NBAS: variants seen among roughly 807,000 people sequenced by gnomAD.
NBAS encodes the protein NBAS subunit of NRZ tethering complex.
In NBAS, 219 loss-of-function variants were observed where a neutral mutation model predicts 302.5. The ratio of observed to expected loss-of-function variants is 0.72; its 90% CI spans 0.65 to 0.81. The LOEUF is 0.81. Ranked by LOEUF, NBAS falls within the 30% of genes least tolerant of loss-of-function variation. The probability of loss-of-function intolerance (pLI) is 0.00; values close to 1 mark genes in which losing one functional copy is unlikely to be tolerated. For missense variants in NBAS, 2,932 were observed against 2,841.6 expected (o/e 1.03, Z -0.72); for synonymous variants, 1,118 against 1,021.6 (o/e 1.09, Z -1.80).
chr2:15,285,432 T>C (rs1669993866), intron 42 of NBAS, among the ~76,000 whole-genome samples: 1 of 152,152 alleles, frequency 6.6e-6, no homozygotes, highest in Admixed American at 6.5e-5. Flanking sequence ...CCATTTTAAA[T>C]GTGGAAGACT....
At position 15,461,277 on chromosome 2, in the gene NBAS, G is replaced by C; in HGVS notation, c.2263C>G (p.His755Asp). 1 of 1,613,286 alleles carries C rather than the reference G, an allele frequency of 6.2e-7. No homozygotes were observed. The highest frequency in any genetic ancestry group is 8.5e-7 in the Non-Finnish European group (1 of 1,179,310). ...AAGTTGGACAGAATTGCAAGGCGAT[G>C]AGGAAGCAGGTCGGAACCATGGTAA... is the stretch of plus-strand genomic sequence containing the variant. ...FTYHGSDLLP[H>D]RLAILSNFPE... The change falls in exon 21 of 52, where the codon CAT becomes GAT. Residue 755 changes from histidine to aspartate, a missense_variant. Physicochemically the swap from His to Asp is moderately conservative, Grantham distance 81. Coordinates refer to ENST00000281513, the MANE Select transcript of NBAS (RefSeq NM_015909.4).
At chr2:15,180,374 C>T (rs1664762975) in intron 50 of NBAS, 2 of 152,228 alleles carry the variant, frequency 1.3e-5, no homozygotes, top group African/African-American at 4.8e-5. Flanking sequence ...ATTCCTCATA[C>T]ATCGGGAATT....
At chr2:15,293,965 T>C (rs1299555340) in intron 40 of NBAS, among the ~76,000 whole-genome samples, 2 of 152,208 alleles carry the variant, frequency 1.3e-5, no homozygotes, top group Non-Finnish European at 2.9e-5. Flanking sequence ...AAACCACAAA[T>C]ATGTGTCTCA....
At chr2:15,204,758 G>T (rs188227539) in intron 48 of NBAS, among the ~76,000 whole-genome samples, 1 of 152,160 alleles carries the variant, frequency 6.6e-6, no homozygotes, top group African/African-American at 2.4e-5. Context: ...CTATCGCATG[G>T]ACAGAAAACC....
At chr2:15,271,223 C>T (rs1270132387) in intron 44 of NBAS, among the ~76,000 whole-genome samples, 1 of 152,114 alleles carries the variant, frequency 6.6e-6, no homozygotes, top group Non-Finnish European at 1.5e-5. Flanking sequence ...GTTTTCATAA[C>T]TCCAGGAGGC....
At chr2:15,393,732 G>C in intron 28 of NBAS, 1 of 470,202 alleles carries the variant, frequency 2.1e-6, no homozygotes, top group South Asian at 1.6e-5. Flanking sequence ...AACAGGCTGT[G>C]AAAAATCCAT....
In NBAS at chr2:15,322,558, T is replaced by A. The variant is rs1352498723; in HGVS notation, c.4582+5192A>T. On this transcript the variant is annotated intron_variant, in intron 38 of 51. Transcript: ENST00000281513. The stretch of plus-strand genomic sequence containing the variant: ...GCCCATATTATTGATTTGGAAATCA[T>A]TAGCCATTAAATCATTCATTTTGCT... Among the ~76,000 whole-genome samples the A allele has an allele frequency of 4.6e-5, 7 of 152,286 alleles. 1 individual carries two copies. The South Asian group carries it at 1.4e-3, about 32-fold the overall frequency.
chr2:15,550,036 T>G (rs919168039), intron 6 of NBAS, among the ~76,000 whole-genome samples: 4 of 152,030 alleles, frequency 2.6e-5, no homozygotes, highest in Admixed American at 2.0e-4. Context: ...TGCTGGTGCA[T>G]GCCTGTGGTC....
chr2:14,824,758 A>T, the NBAS span, among the ~76,000 whole-genome samples: 1 of 152,174 alleles, frequency 6.6e-6, no homozygotes, highest in African/African-American at 2.4e-5. Context: ...GAGCTGGAGT[A>T]ATCGGCGATT....
At position 15,356,392 on chromosome 2, in the gene NBAS, C is replaced by T; in HGVS notation, c.3842G>A (p.Gly1281Glu). ...VAGENPEERR[G>E]QVLILLVEQA... is the part of the protein sequence containing the mutation. ...CTCCACTAAAAGGATTAGAACCTGTCCCCGCCTTTCTTCTGGGTTCTCACC... is the reference window on the plus strand; with the variant it reads ...CTCCACTAAAAGGATTAGAACCTGTTCCCGCCTTTCTTCTGGGTTCTCACC... Residue 1281 changes from glycine (G) to glutamate (E), a missense_variant, in exon 33 of 52, where the codon GGA (glycine) becomes GAA (glutamate). Gly to Glu is a moderately conservative substitution (Grantham distance 98, BLOSUM62 -2). Coordinates refer to ENST00000281513, the MANE Select transcript of NBAS (RefSeq NM_015909.4). 6.2e-7 allele frequency: 1 copy of T among 1,613,796 alleles called. No homozygotes were observed. Among genetic ancestry groups the T allele is most frequent in the Non-Finnish European group, 8.5e-7 (1 of 1,179,780 alleles).
chr2:14,981,308 T>A, the NBAS span, among the ~76,000 whole-genome samples: 1 of 152,146 alleles, frequency 6.6e-6, no homozygotes, highest in East Asian at 1.9e-4. Context: ...CATCACACAG[T>A]GAAGCAAGCC....
At chr2:14,860,828 C>T in the NBAS span, among the ~76,000 whole-genome samples, 7,937 of 151,856 alleles carry the variant, frequency 0.052, 696 homozygotes, top group African/African-American at 0.18. Flanking sequence ...CAAAATAGCT[C>T]GAAGAGAGTA....
chr2:15,474,239 T>A lies in NBAS; in HGVS notation c.1427A>T (p.Asp476Val). 6.2e-7 allele frequency: 1 copy of A among 1,614,128 alleles called. No homozygotes were observed. Among genetic ancestry groups the A allele is most frequent in the Non-Finnish European group, 8.5e-7 (1 of 1,179,986 alleles). Residue 476 changes from aspartate (D) to valine (V), a missense_variant, in exon 15 of 52, where the codon GAT (aspartate) becomes GTT (valine). Coordinates refer to ENST00000281513, the MANE Select transcript of NBAS (RefSeq NM_015909.4). ...GCGAGCCTTGGCAGATATTTCATAA[T>A]CAGAATCAGAATCCTCTTCTCCTTC... ...EDEGEEDSDS[D>V]YEISAKARYF...
At chr2:15,243,810 T>C (rs1400882498) in intron 44 of NBAS, among the ~76,000 whole-genome samples, 1 of 152,008 alleles carries the variant, frequency 6.6e-6, no homozygotes, top group Non-Finnish European at 1.5e-5. Context: ...TTCAGGGCCA[T>C]ACTGGGTTAA....
In NBAS at chr2:15,474,810, C is replaced by T. The variant is rs546030380; in HGVS notation, c.1342-486G>A. Among the ~76,000 whole-genome samples the T allele has an allele frequency of 3.3e-5, 5 of 152,298 alleles. No individual in the cohort carries two copies. In the East Asian group the frequency reaches 7.7e-4, roughly 24 times the overall value. On this transcript the variant is annotated intron_variant, in intron 14 of 51. Transcript: ENST00000281513. ...TCCTGGCCTTAATTGATCCACCCGC[C>T]TTGGCCTCCCAAAGTGCTGGGATTA...
chr2:14,917,957 A>C, the NBAS span, among the ~76,000 whole-genome samples: 1 of 152,134 alleles, frequency 6.6e-6, no homozygotes, highest in South Asian at 2.1e-4. Context: ...TAAATAAACC[A>C]GTTGTTTGGG....
the NBAS span, among the ~76,000 whole-genome samples, chr2:14,898,013 TAGG>T: frequency 6.6e-6 from 1 of 152,152 alleles, no homozygotes; most frequent in Non-Finnish European, 1.5e-5. Flanking sequence ...TTCAAAATAG[TAGG>T]AGTTTTGGTC....
intron 11 of NBAS, among the ~76,000 whole-genome samples, chr2:15,494,802 G>A (rs1681004315): frequency 6.6e-6 from 1 of 152,092 alleles, no homozygotes; most frequent in Admixed American, 6.5e-5. Context: ...GAAAAACATA[G>A]GCATATGTTC....
chr2:15,296,429 C>T (rs1366274611), intron 40 of NBAS, among the ~76,000 whole-genome samples: 3 of 151,824 alleles, frequency 2.0e-5, no homozygotes, highest in Non-Finnish European at 2.9e-5. Context: ...GTAGTCCCAG[C>T]GTAGGAGAAT....
Sources: allele counts gnomAD v4.1 joint callset (sites outside exome capture counted in the v4.1 genomes callset), GRCh38; gene constraint gnomAD v4.1.1; transcripts MANE v1.5; gene names NCBI Gene and HGNC (gene_info 2026-07-23, HGNC 2026-07-21).